TLR6: variants seen among roughly 807,000 people sequenced by gnomAD.
TLR6 encodes toll like receptor 6, also known as toll-like receptor 6.
Under a neutral mutation model 16.1 loss-of-function variants are expected in TLR6, and 9 were observed. The ratio of observed to expected loss-of-function variants is 0.56; its 90% CI spans 0.34 to 0.98. TLR6 has a LOEUF of 0.98. Ranked by LOEUF, TLR6 falls within the 50% of genes least tolerant of loss-of-function variation. TLR6 has a pLI of 0.02. For missense variants in TLR6, 786 were observed against 921.0 expected (o/e 0.85, Z 1.90); for synonymous variants, 340 against 338.6 (o/e 1.00, Z -0.04).
chr4:38,856,027 G>C (rs571150422), intron 1 of TLR6, among the ~76,000 whole-genome samples: 2 of 152,244 alleles, frequency 1.3e-5, no homozygotes, highest in East Asian at 3.9e-4. Context: ...AGTGAAATAA[G>C]TGGAGGAAAG....
rs1553857351 is a variant in TLR6, at chr4:38,834,257, T to TATAATTA, written c.-64-4721_-64-4720insTAATTAT. ...CCAGCTCAAAAAAAAAATATATATA[T>TATAATTA]AAAATTAAAAATTAAAAAACAGTAG... On this transcript the variant is annotated intron_variant, in intron 1 of 1. Transcript: ENST00000436693. Among the ~76,000 whole-genome samples the TATAATTA allele has an allele frequency of 1.1e-4, 15 of 132,708 alleles. 1 individual carries two copies. In the South Asian group the frequency reaches 3.5e-3, roughly 31 times the overall value. The allele number at this position is 132,708 out of a possible 152,430, so 87.1% of individuals were successfully genotyped here.
At chr4:38,859,415 CTG>C (rs1186306058), upstream of TLR6, among the ~76,000 whole-genome samples, 1 of 152,142 alleles carries the variant, frequency 6.6e-6, no homozygotes, top group African/African-American at 2.4e-5. Context: ...GCCACACAGT[CTG>C]TGGTGATTTG....
intron 1 of TLR6, among the ~76,000 whole-genome samples, chr4:38,841,125 T>C (rs1468468614): frequency 6.6e-6 from 1 of 152,238 alleles, no homozygotes; most frequent in East Asian, 1.9e-4. Flanking sequence ...CACTATTTTT[T>C]ACAATTTGCT....
At chr4:38,830,909 G>A (rs1461081932) in intron 1 of TLR6, among the ~76,000 whole-genome samples, 1 of 151,792 alleles carries the variant, frequency 6.6e-6, no homozygotes, top group Non-Finnish European at 1.5e-5. Context: ...CTTGCAAAAA[G>A]CAAATGGAAA....
exon 2 of TLR6, chr4:38,826,832 C>CT: frequency 3.1e-6 from 1 of 322,048 alleles, no homozygotes; most frequent in Non-Finnish European, 5.7e-6. Context: ...AGCTGAAAAA[C>CT]TGAGCATTTA....
At chr4:38,829,255 G>A in exon 2 of TLR6, 1 of 1,614,158 alleles carries the variant, frequency 6.2e-7, no homozygotes, top group Non-Finnish European at 8.5e-7. Context: ...CTGATAGAAA[G>A]CTCATGTCAG....
intron 1 of TLR6, among the ~76,000 whole-genome samples, chr4:38,836,051 G>T (rs912572352): frequency 3.3e-5 from 5 of 151,820 alleles, no homozygotes; most frequent in Non-Finnish European, 7.4e-5. Context: ...ACCTAACAAC[G>T]AACCTCAAGG....
chr4:38,829,678 T>C, intron 1 of TLR6, 141 bp from the exon 2 acceptor site: 1 of 514,226 alleles, frequency 1.9e-6, no homozygotes, highest in East Asian at 3.2e-5. Flanking sequence ...TAATACTTTT[T>C]ATAACCAGTT....
At chr4:38,845,463 G>T (rs1579255718) in intron 1 of TLR6, among the ~76,000 whole-genome samples, 1 of 152,364 alleles carries the variant, frequency 6.6e-6, no homozygotes, top group East Asian at 1.9e-4. Flanking sequence ...GGTGGCCCCA[G>T]TATAATCACA....
chr4:38,828,709 G>A (rs944040476), exon 2 of TLR6: 2 of 1,614,012 alleles, frequency 1.2e-6, no homozygotes, highest in East Asian at 2.2e-5. Flanking sequence ...TGTGGTTGAG[G>A]GTAAAATTCA....
chr4:38,839,200 C>G (rs1712116653), intron 1 of TLR6, among the ~76,000 whole-genome samples: 1 of 150,988 alleles, frequency 6.6e-6, no homozygotes, highest in African/African-American at 2.4e-5. Context: ...AGAAGTCAGT[C>G]TGAAAAAGCT....
intron 1 of TLR6, among the ~76,000 whole-genome samples, chr4:38,837,201 C>T (rs1227398288): frequency 6.6e-6 from 1 of 152,048 alleles, no homozygotes; most frequent in African/African-American, 2.4e-5. Flanking sequence ...TATCAAAATA[C>T]CAATGATATT....
chr4:38,865,918 C>G, the TLR6 span, among the ~76,000 whole-genome samples: 2 of 152,144 alleles, frequency 1.3e-5, no homozygotes, highest in South Asian at 2.1e-4. Flanking sequence ...GTGGGCAGAT[C>G]ACTTGAGGTC....
At chr4:38,838,571 T>G (rs759790030) in intron 1 of TLR6, among the ~76,000 whole-genome samples, 4 of 152,100 alleles carry the variant, frequency 2.6e-5, no homozygotes, top group Non-Finnish European at 5.9e-5. Context: ...AGTAGAACAA[T>G]AGTTACCAGA....
At chr4:38,845,725 T>A (rs1001806840) in intron 1 of TLR6, among the ~76,000 whole-genome samples, 3 of 142,536 alleles carry the variant, frequency 2.1e-5, no homozygotes, top group Non-Finnish European at 4.8e-5. Flanking sequence ...CCTACAGAAC[T>A]GTAAGATAAT....
intron 1 of TLR6, among the ~76,000 whole-genome samples, chr4:38,840,633 CAAAA>C (rs377719537): frequency 9.3e-6 from 1 of 107,214 alleles, no homozygotes; most frequent in African/African-American, 2.9e-5. Context: ...GACTCCCTCT[CAAAA>C]AAAAAAAAAA....
intron 1 of TLR6, among the ~76,000 whole-genome samples, chr4:38,837,784 A>C (rs562724507): frequency 7.9e-5 from 12 of 152,380 alleles, no homozygotes; most frequent in African/African-American, 2.9e-4. Flanking sequence ...ACAGCACAGG[A>C]AACAATCAAC....
chr4:38,864,666 C>A, the TLR6 span, among the ~76,000 whole-genome samples: 1 of 152,138 alleles, frequency 6.6e-6, no homozygotes, highest in African/African-American at 2.4e-5. Flanking sequence ...CATTGAAAAA[C>A]AATTATACGT....
upstream of TLR6, among the ~76,000 whole-genome samples, chr4:38,860,471 CAA>C (rs57276680): frequency 3.5e-5 from 4 of 113,526 alleles, no homozygotes; most frequent in Admixed American, 9.7e-5. Flanking sequence ...GACTCTGTCT[CAA>C]AAAAAAAAAT....
Sources: allele counts gnomAD v4.1 joint callset (sites outside exome capture counted in the v4.1 genomes callset), GRCh38; gene constraint gnomAD v4.1.1; transcripts MANE v1.5; gene names NCBI Gene and HGNC (gene_info 2026-07-23, HGNC 2026-07-21).